The following ZZEF1 variants were observed in gnomAD, a reference collection of about 807,000 sequenced individuals.
ZZEF1 encodes the protein zinc finger ZZ-type and EF-hand domain-containing protein 1.
Under a neutral mutation model 342.8 loss-of-function variants are expected in ZZEF1, and 157 were observed. The observed-to-expected ratio is 0.46, with a 90% confidence interval of 0.40 to 0.52. ZZEF1 has a LOEUF of 0.52. ZZEF1 is among the 20% of genes least tolerant of loss of function. The pLI is 0.00. For synonymous variants in ZZEF1, 1,505 were observed against 1,429.1 expected, an observed-to-expected ratio of 1.05 and a Z score of -1.20; for missense variants, 3,480 against 3,725.6, an observed-to-expected ratio of 0.93 and a Z score of 1.72.
At chr17:4,096,290 G>C (rs1354973706) in intron 10 of ZZEF1, among the ~76,000 whole-genome samples, 1 of 151,912 alleles carries the variant, frequency 6.6e-6, no homozygotes, top group Non-Finnish European at 1.5e-5. Flanking sequence ...GACATGGTCA[G>C]CCATAGGTCT....
chr17:4,105,854 G>A (rs771997088), intron 6 of ZZEF1, 45 bp from the exon 7 acceptor site: 22 of 1,475,768 alleles, frequency 1.5e-5, no homozygotes, highest in Admixed American at 8.5e-5. Flanking sequence ...AAACCAGACC[G>A]AATTTAGACA....
intron 49 of ZZEF1, among the ~76,000 whole-genome samples, chr17:4,015,747 G>C (rs577190048): frequency 1.3e-5 from 2 of 152,364 alleles, no homozygotes; most frequent in South Asian, 2.1e-4. Flanking sequence ...CTGGGCGACA[G>C]AGTGAGACTC....
chr17:4,058,217 C>T (rs1304670244), intron 31 of ZZEF1, 62 bp from the exon 32 acceptor site: 12 of 1,508,208 alleles, frequency 8.0e-6, no homozygotes, highest in Non-Finnish European at 1.1e-5. Flanking sequence ...GCAACAGAAG[C>T]AATTCAAGTA....
At chr17:4,053,995 G>C in intron 34 of ZZEF1, 62 bp downstream of exon 34, 1 of 1,522,942 alleles carries the variant, frequency 6.6e-7, no homozygotes, top group Non-Finnish European at 8.9e-7. Flanking sequence ...AAAATGACAA[G>C]ATCATAGAAA....
intron 34 of ZZEF1, 81 bp from the exon 35 acceptor site, chr17:4,052,217 G>A (rs2145169847): frequency 7.2e-7 from 1 of 1,381,000 alleles, no homozygotes; most frequent in Non-Finnish European, 9.7e-7. Context: ...ACCAACCCCA[G>A]CACCAGGGCC....
chr17:4,016,333 G>C lies in ZZEF1; in HGVS notation c.8135C>G (p.Thr2712Ser), dbSNP rs2056100151. 1.2e-6 allele frequency: 2 copies of C among 1,613,986 alleles called. No homozygotes were observed. Among genetic ancestry groups the C allele is most frequent in the Middle Eastern group, 1.6e-4 (1 of 6,062 alleles). ...RESKHPYNNNTNFEDKVHIPG... is the reference protein window; with the variant it reads ...RESKHPYNNNSNFEDKVHIPG... ...CGGCCCCAGGCTTACCTCGAAGTTGGTGTTGTTGTTATACGGGTGTTTCGA... is the reference window on the plus strand; with the variant it reads ...CGGCCCCAGGCTTACCTCGAAGTTGCTGTTGTTGTTATACGGGTGTTTCGA... The change falls in exon 49 of 55, where the codon ACC becomes AGC. Residue 2712 changes from threonine (T) to serine (S), a missense_variant. Transcript: ENST00000381638. The surrounding 1 kb of genome is among the most constrained non-coding windows in gnomAD (Gnocchi z 4.4).
At position 4,008,806 on chromosome 17, in the gene ZZEF1, G is replaced by GAC; in HGVS notation, c.8805+75_8805+76dup. 1 of 1,531,100 alleles carries GAC rather than the reference G, an allele frequency of 6.5e-7. No homozygotes were observed. Among genetic ancestry groups the GAC allele is most frequent in the Admixed American group, 2.0e-5 (1 of 50,622 alleles). The allele number at this position is 1,531,100 out of a possible 1,614,324, so 94.8% of individuals were successfully genotyped here. ...CTGTCCTACTCAGACGCAATGTACA[G>GAC]ACCTTCTCTGCCCTGGCAATGGTGA... On this transcript the variant is annotated intron_variant, in intron 54 of 54. Transcript: ENST00000381638. This position sits in a 1 kb window ranked among gnomAD's most constrained non-coding sequence, Gnocchi z 4.2.
intron 14 of ZZEF1, 83 bp from the exon 15 acceptor site, chr17:4,086,738 T>C (rs2057836421): frequency 2.1e-6 from 3 of 1,413,850 alleles, no homozygotes; most frequent in Admixed American, 1.9e-5. Context: ...TACAAAGGAC[T>C]TTCCTCTAGG....
Position 4,104,664 on chromosome 17 carries a change from C to T in ZZEF1, c.1542G>A (p.Ala514=), listed in dbSNP as rs765112932. The T allele has an allele frequency of 1.4e-5, 22 of 1,613,974 alleles. No homozygotes were observed. Among genetic ancestry groups the T allele is most frequent in the Admixed American group, 5.0e-5 (3 of 59,990 alleles). ...YDASSLILSM[A]SVRQNLLLKY... is the part of the protein sequence containing the mutation. ...TGAGGAGCAGGTTCTGTCTGACTGA[C>T]GCCATGGACAAGATGAGGGATGAGG... The change falls in exon 8 of 55, where the codon GCG becomes GCA. Residue 514 remains alanine, a synonymous_variant. Transcript: ENST00000381638.
chr17:4,048,546 C>T (rs2056974365), intron 37 of ZZEF1, among the ~76,000 whole-genome samples: 1 of 152,144 alleles, frequency 6.6e-6, no homozygotes, highest in South Asian at 2.1e-4. Context: ...ATCTTTAGTG[C>T]CACTATCACA....
chr17:4,059,343 T>G (rs1262947430), intron 30 of ZZEF1, 53 bp from the exon 31 acceptor site: 1 of 1,564,384 alleles, frequency 6.4e-7, no homozygotes, highest in Non-Finnish European at 8.6e-7. Flanking sequence ...ATCTTTTTCT[T>G]AATAATAATA....
At chr17:4,035,137 GTTC>G (rs2056633075) in intron 39 of ZZEF1, among the ~76,000 whole-genome samples, 1 of 151,874 alleles carries the variant, frequency 6.6e-6, no homozygotes, top group Non-Finnish European at 1.5e-5. Flanking sequence ...TTTGTTTCCA[GTTC>G]TTCATTATTA....
At position 4,085,935 on chromosome 17, in the gene ZZEF1, A is replaced by G. The variant is rs1316911410; in HGVS notation, c.2513-132T>C. Reference sequence around the variant, plus strand: ...CCAGAGTGAAGAAGTATTTCTGTACAGGCCAGGCAGTATAAAAAAATATTT... The same window carrying G: ...CCAGAGTGAAGAAGTATTTCTGTACGGGCCAGGCAGTATAAAAAAATATTT... On this transcript the variant is annotated intron_variant, in intron 15 of 54. Coordinates refer to ENST00000381638, the MANE Select transcript of ZZEF1 (RefSeq NM_015113.4). 3.5e-6 allele frequency: 4 copies of G among 1,133,284 alleles called. No individual in the cohort carries two copies. The East Asian group carries it at 7.4e-5, about 21-fold the overall frequency. The allele number at this position is 1,133,284 out of a possible 1,614,324, so 70.2% of individuals were successfully genotyped here.
chr17:4,108,333 A>G (rs1010345489), intron 6 of ZZEF1, among the ~76,000 whole-genome samples: 1 of 152,234 alleles, frequency 6.6e-6, no homozygotes, highest in African/African-American at 2.4e-5. Context: ...TCTGATCACA[A>G]TAAAACATCA....
chr17:4,060,583 A>AC (rs2057264701), intron 30 of ZZEF1, among the ~76,000 whole-genome samples: 6 of 150,622 alleles, frequency 4.0e-5, no homozygotes, highest in East Asian at 3.9e-4. Context: ...AACAACAACA[A>AC]AAAACAAACA....
chr17:4,077,849 CATCTGTTTTCATGGATTTTATATTGAA>C lies in ZZEF1; in HGVS notation c.2989+7_2989+33del. 2.5e-6 allele frequency: 4 copies of C among 1,606,950 alleles called. No homozygotes were observed. Among genetic ancestry groups the C allele is most frequent in the Non-Finnish European group, 3.4e-6 (4 of 1,176,034 alleles). ...ACACTCAGAGTCAAAACCCAAACGC[CATCTGTTTTCATGGATTTTATATTGAA>C]ACTCACATTTTTCAATAAGGTCCAC... On this transcript the variant is annotated splice_region_variant and intron_variant, in intron 19 of 54. Coordinates refer to ENST00000381638, the MANE Select transcript of ZZEF1 (RefSeq NM_015113.4).
intron 6 of ZZEF1, among the ~76,000 whole-genome samples, chr17:4,107,137 A>G (rs2058225366): frequency 6.6e-6 from 1 of 152,086 alleles, no homozygotes; most frequent in African/African-American, 2.4e-5. Context: ...TTCCTTACCT[A>G]TTTTTCCTCA....
At chr17:4,085,615 A>G in intron 16 of ZZEF1, 55 bp downstream of exon 16, 5 of 1,606,308 alleles carry the variant, frequency 3.1e-6, no homozygotes, top group Non-Finnish European at 4.3e-6. Flanking sequence ...AAAGCCTAGC[A>G]AATTTCATCC....
intron 42 of ZZEF1, among the ~76,000 whole-genome samples, chr17:4,025,624 G>T (rs2056385165): frequency 6.6e-6 from 1 of 151,800 alleles, no homozygotes; most frequent in Non-Finnish European, 1.5e-5. Flanking sequence ...GGAGGCTGCG[G>T]TGAGCCAAGA....
Sources: allele counts gnomAD v4.1 joint callset (sites outside exome capture counted in the v4.1 genomes callset), GRCh38; gene constraint gnomAD v4.1.1; non-coding constraint Gnocchi (gnomAD v3.1); transcripts MANE v1.5; gene names NCBI Gene and HGNC (gene_info 2026-07-23, HGNC 2026-07-21).